Variants in MIPEP observed in about 807,000 individuals in gnomAD.
MIPEP encodes mitochondrial intermediate peptidase.
MIPEP carries 79 observed loss-of-function variants against 90.3 expected under a neutral mutation model. That is an observed-to-expected ratio of 0.87 (90% CI 0.73 to 1.05). The LOEUF is 1.05. Among genes scored for constraint, MIPEP ranks in the 50% least tolerant of loss-of-function variants. The pLI, the probability that MIPEP is intolerant of heterozygous loss-of-function variation, is 0.00. For missense variants in MIPEP, 940 were observed against 905.6 expected, an observed-to-expected ratio of 1.04 and a Z score of -0.49; for synonymous variants, 334 against 315.8, an observed-to-expected ratio of 1.06 and a Z score of -0.61.
intron 15 of MIPEP, among the ~76,000 whole-genome samples, chr13:23,806,989 C>A (rs747480668): frequency 1.3e-5 from 2 of 152,026 alleles, no homozygotes; most frequent in Non-Finnish European, 2.9e-5. Flanking sequence ...TCGAAGAATT[C>A]TGATGCAGCT....
intron 4 of MIPEP, among the ~76,000 whole-genome samples, chr13:23,878,001 G>C (rs941644330): frequency 1.3e-5 from 2 of 151,978 alleles, no homozygotes; most frequent in African/African-American, 4.8e-5. Flanking sequence ...TAGAAATGTG[G>C]TATGTATCCT....
intron 18 of MIPEP, among the ~76,000 whole-genome samples, chr13:23,750,636 C>T (rs1289776166): frequency 4.6e-5 from 7 of 152,200 alleles, no homozygotes; most frequent in Non-Finnish European, 8.8e-5. Flanking sequence ...CTCTAGAGTG[C>T]TCTGGACGGA....
chr13:23,762,749 C>T (rs909444241), intron 16 of MIPEP, among the ~76,000 whole-genome samples: 1 of 152,198 alleles, frequency 6.6e-6, no homozygotes, highest in East Asian at 1.9e-4. Context: ...GTCTCTTGCA[C>T]AGCAACTAGA....
intron 18 of MIPEP, among the ~76,000 whole-genome samples, chr13:23,752,643 T>G (rs1418325247): frequency 2.0e-5 from 3 of 152,148 alleles, no homozygotes; most frequent in Non-Finnish European, 4.4e-5. Flanking sequence ...CAAAAACCAT[T>G]GTGGGGGTAT....
intron 4 of MIPEP, among the ~76,000 whole-genome samples, chr13:23,877,638 A>G (rs371072905): frequency 6.6e-6 from 1 of 152,244 alleles, no homozygotes; most frequent in African/African-American, 2.4e-5. Flanking sequence ...CTCAGAGACT[A>G]GTATTTCAAG....
Position 23,870,349 on chromosome 13 carries a change from A to G in MIPEP, c.604-154T>C, listed in dbSNP as rs185759181. Among the ~76,000 whole-genome samples, 432 of 150,948 alleles carry G rather than the reference A, an allele frequency of 2.9e-3. 4 individuals are homozygous for G. Among genetic ancestry groups the G allele is most frequent in the African/African-American group, 0.01 (419 of 40,630 alleles). ...TTAGTAAAATGAATATATTGTTACTATATTATAAATAATATATTAATTTTA... is the reference window on the plus strand; with the variant it reads ...TTAGTAAAATGAATATATTGTTACTGTATTATAAATAATATATTAATTTTA... On this transcript the variant is annotated intron_variant, in intron 5 of 18. Transcript: ENST00000382172.
chr13:23,756,212 T>G (rs1211572176), intron 18 of MIPEP, among the ~76,000 whole-genome samples: 1 of 152,240 alleles, frequency 6.6e-6, no homozygotes, highest in Admixed American at 6.5e-5. Context: ...TGGAGTGCAA[T>G]GGCACGATTT....
intron 14 of MIPEP, among the ~76,000 whole-genome samples, chr13:23,829,289 A>G (rs1593177424): frequency 6.6e-6 from 1 of 152,210 alleles, no homozygotes; most frequent in African/African-American, 2.4e-5. Context: ...CTGAGGTGGG[A>G]AGATTGCTTG....
intron 16 of MIPEP, among the ~76,000 whole-genome samples, chr13:23,787,251 A>G (rs1036705015): frequency 2.0e-5 from 3 of 152,218 alleles, no homozygotes; most frequent in Admixed American, 2.0e-4. Flanking sequence ...GTTATTTCTC[A>G]TAGTTCTGGA....
At chr13:23,758,771 G>GA (rs1952510869) in intron 17 of MIPEP, among the ~76,000 whole-genome samples, 1 of 152,172 alleles carries the variant, frequency 6.6e-6, no homozygotes, top group Non-Finnish European at 1.5e-5. Context: ...TAACTGCTGA[G>GA]AAAAATCCAA....
At chr13:23,866,533 T>G (rs1172796228) in intron 7 of MIPEP, among the ~76,000 whole-genome samples, 1 of 152,160 alleles carries the variant, frequency 6.6e-6, no homozygotes, top group African/African-American at 2.4e-5. Flanking sequence ...GGCCACAGCA[T>G]GAGTCAGCTG....
At chr13:23,882,647 C>T (rs538152677) in intron 2 of MIPEP, among the ~76,000 whole-genome samples, 1 of 135,064 alleles carries the variant, frequency 7.4e-6, no homozygotes, top group African/African-American at 2.8e-5. Context: ...AGAGAAACTA[C>T]AAAACACTAC....
chr13:23,802,277 TA>T (rs1361599886), intron 16 of MIPEP, among the ~76,000 whole-genome samples: 5 of 152,210 alleles, frequency 3.3e-5, no homozygotes, highest in Admixed American at 6.5e-5. Context: ...AATTTAAAAA[TA>T]TAACCTTTTC....
At chr13:23,886,840 T>C (rs1871505819) in intron 1 of MIPEP, among the ~76,000 whole-genome samples, 1 of 151,686 alleles carries the variant, frequency 6.6e-6, no homozygotes, top group Non-Finnish European at 1.5e-5. Context: ...TAAATATATA[T>C]ATATATATAC....
Position 23,788,990 on chromosome 13 carries a change from T to C in MIPEP, c.1848+16960A>G, listed in dbSNP as rs533581714. Among the ~76,000 whole-genome samples the C allele has an allele frequency of 4.6e-3, 707 of 152,334 alleles. 2 individuals are homozygous for C. Among genetic ancestry groups the C allele is most frequent in the Non-Finnish European group, 7.6e-3 (519 of 68,036 alleles). Reference sequence around the variant, plus strand: ...CATGCCCAGCTAAGTTTATTTTTTGTAGAGACATGGTCTCGTCATGTTGCC... The same window carrying C: ...CATGCCCAGCTAAGTTTATTTTTTGCAGAGACATGGTCTCGTCATGTTGCC... On this transcript the variant is annotated intron_variant, in intron 16 of 18. Transcript: ENST00000382172.
At chr13:23,866,416 C>T (rs1593199819) in intron 7 of MIPEP, among the ~76,000 whole-genome samples, 1 of 152,162 alleles carries the variant, frequency 6.6e-6, no homozygotes, top group Admixed American at 6.5e-5. Flanking sequence ...ACTTAGTGCA[C>T]AAGGGTGACC....
intron 16 of MIPEP, among the ~76,000 whole-genome samples, chr13:23,799,409 G>C (rs1323297320): frequency 6.6e-6 from 1 of 152,038 alleles, no homozygotes; most frequent in Non-Finnish European, 1.5e-5. Context: ...CTCACTGCAA[G>C]CTCCGCCTTC....
chr13:23,785,744 A>G (rs977206726), intron 16 of MIPEP, among the ~76,000 whole-genome samples: 3 of 152,202 alleles, frequency 2.0e-5, no homozygotes, highest in African/African-American at 7.2e-5. Flanking sequence ...TAAATCGAAC[A>G]GTAAAAATTT....
chr13:23,875,530 C>T (rs1284194725), intron 4 of MIPEP, among the ~76,000 whole-genome samples: 18 of 142,188 alleles, frequency 1.3e-4, no homozygotes, highest in African/African-American at 3.6e-4. Flanking sequence ...AGTGTAACAC[C>T]TTTTTTTTTT....
Sources: allele counts gnomAD v4.1 joint callset (sites outside exome capture counted in the v4.1 genomes callset), GRCh38; gene constraint gnomAD v4.1.1; transcripts MANE v1.5; gene names NCBI Gene and HGNC (gene_info 2026-07-23, HGNC 2026-07-21).